Variants in GLT1D1 observed in about 807,000 individuals in gnomAD.
GLT1D1 encodes glycosyltransferase 1 domain containing 1.
Under a neutral mutation model 28.7 loss-of-function variants are expected in GLT1D1, and 21 were observed. The ratio of observed to expected loss-of-function variants is 0.73; its 90% CI spans 0.52 to 1.05. The LOEUF (loss-of-function observed/expected upper bound fraction) is 1.05, where lower values mean the gene tolerates loss of function less well. Ranked by LOEUF, GLT1D1 falls within the 50% of genes least tolerant of loss-of-function variation. The probability of loss-of-function intolerance (pLI) is 0.00; values close to 1 mark genes in which losing one functional copy is unlikely to be tolerated. For synonymous variants in GLT1D1, 147 were observed against 124.8 expected (o/e 1.18, Z -1.19); for missense variants, 343 against 330.6 (o/e 1.04, Z -0.29).
chr12:128,855,275 A>C (rs1304498192), intron 1 of GLT1D1, among the ~76,000 whole-genome samples: 1 of 150,854 alleles, frequency 6.6e-6, no homozygotes, highest in Non-Finnish European at 1.5e-5. Context: ...CAAAAAACCT[A>C]GGGCAGGCTT....
At chr12:128,925,584 A>G (rs1297130244) in intron 4 of GLT1D1, among the ~76,000 whole-genome samples, 1 of 152,178 alleles carries the variant, frequency 6.6e-6, no homozygotes, top group East Asian at 1.9e-4. Flanking sequence ...CCAGTCTATC[A>G]TTGATGGGCG....
At chr12:128,965,089 G>A (rs561100058) in intron 7 of GLT1D1, among the ~76,000 whole-genome samples, 10 of 152,328 alleles carry the variant, frequency 6.6e-5, no homozygotes, top group South Asian at 2.1e-4. Flanking sequence ...GGTAGGCTAC[G>A]TGGCAAGAGG....
intron 4 of GLT1D1, among the ~76,000 whole-genome samples, chr12:128,943,764 T>G (rs1324085456): frequency 6.6e-6 from 1 of 152,236 alleles, no homozygotes; most frequent in African/African-American, 2.4e-5. Context: ...ATTTGTGTCT[T>G]ACAACAAATC....
At chr12:128,897,243 T>A (rs1392106637) in intron 3 of GLT1D1, among the ~76,000 whole-genome samples, 1 of 152,204 alleles carries the variant, frequency 6.6e-6, no homozygotes, top group African/African-American at 2.4e-5. Context: ...CCCCTTGGGA[T>A]GTTTGGCTTC....
At chr12:128,935,740 G>A (rs536645546) in intron 4 of GLT1D1, among the ~76,000 whole-genome samples, 1 of 152,132 alleles carries the variant, frequency 6.6e-6, no homozygotes. Flanking sequence ...CACTGGGACT[G>A]CAGGCTTGTG....
At chr12:128,917,130 C>T (rs780814789) in intron 4 of GLT1D1, among the ~76,000 whole-genome samples, 4 of 151,990 alleles carry the variant, frequency 2.6e-5, no homozygotes, top group Admixed American at 6.6e-5. Flanking sequence ...TGCTCTGGTG[C>T]CTTCGTTGAA....
intron 4 of GLT1D1, among the ~76,000 whole-genome samples, chr12:128,943,339 G>T (rs1349272833): frequency 6.6e-6 from 1 of 151,018 alleles, no homozygotes; most frequent in Non-Finnish European, 1.5e-5. Context: ...AGTGCCACAG[G>T]TTTTCTCTTT....
intron 7 of GLT1D1, among the ~76,000 whole-genome samples, chr12:128,962,351 C>A (rs1391332639): frequency 6.6e-6 from 1 of 152,256 alleles, no homozygotes; most frequent in Non-Finnish European, 1.5e-5. Context: ...ATTCACATCT[C>A]ATCTAAGAAG....
chr12:128,972,875 G>A (rs1879327260), intron 7 of GLT1D1, among the ~76,000 whole-genome samples: 1 of 152,112 alleles, frequency 6.6e-6, no homozygotes, highest in African/African-American at 2.4e-5. Context: ...TGATGAAATC[G>A]AGCTAATTAA....
intron 5 of GLT1D1, 55 bp downstream of exon 9, chr12:128,945,424 TG>T: frequency 2.9e-6 from 4 of 1,368,588 alleles, no homozygotes; most frequent in Non-Finnish European, 4.2e-6. Flanking sequence ...GAGTGGCCCC[TG>T]GGTTACCTGA....
chr12:128,967,733 G>A (rs1878598993), intron 7 of GLT1D1, among the ~76,000 whole-genome samples: 1 of 152,214 alleles, frequency 6.6e-6, no homozygotes, highest in South Asian at 2.1e-4. Flanking sequence ...ATTTGGGGAG[G>A]CCACTGGCCA....
intron 4 of GLT1D1, among the ~76,000 whole-genome samples, chr12:128,907,393 C>T (rs1227341784): frequency 1.3e-5 from 2 of 151,606 alleles, no homozygotes; most frequent in Non-Finnish European, 2.9e-5. Context: ...GCAAGCTCTG[C>T]CTCCCGGGTT....
intron 6 of GLT1D1, among the ~76,000 whole-genome samples, chr12:128,949,583 A>G (rs1876474574): frequency 6.6e-6 from 1 of 152,216 alleles, no homozygotes; most frequent in African/African-American, 2.4e-5. Flanking sequence ...ATAAACTCCA[A>G]AAATCAAACT....
chr12:128,896,461 G>A (rs529561566), intron 3 of GLT1D1, among the ~76,000 whole-genome samples: 1 of 151,372 alleles, frequency 6.6e-6, no homozygotes, highest in African/African-American at 2.4e-5. Context: ...CTTCATGCGT[G>A]CTTTAACCAT....
chr12:128,881,561 A>ATAT (rs1201275552), intron 2 of GLT1D1, among the ~76,000 whole-genome samples: 4 of 33,718 alleles, frequency 1.2e-4, no homozygotes, highest in Admixed American at 5.9e-4. Flanking sequence ...AAAAAAAAAA[A>ATAT]ATATATATAT....
intron 6 of GLT1D1, among the ~76,000 whole-genome samples, chr12:128,955,989 C>T (rs372944115): frequency 4.0e-5 from 6 of 151,326 alleles, no homozygotes; most frequent in African/African-American, 1.5e-4. Context: ...GAAACCCCAT[C>T]TCTACTAAAA....
chr12:128,927,527 C>T (rs1424443064), intron 4 of GLT1D1, among the ~76,000 whole-genome samples: 1 of 151,964 alleles, frequency 6.6e-6, no homozygotes, highest in South Asian at 2.1e-4. Flanking sequence ...CGTGAGCCAC[C>T]GCGCCCAGCT....
chr12:128,911,230 G>A (rs182920113), intron 4 of GLT1D1, among the ~76,000 whole-genome samples: 19 of 152,212 alleles, frequency 1.2e-4, no homozygotes, highest in African/African-American at 3.6e-4. Flanking sequence ...ATGCCTGGCC[G>A]TGCCACCCAC....
intron 7 of GLT1D1, among the ~76,000 whole-genome samples, chr12:128,971,249 T>C (rs1342120098): frequency 6.6e-6 from 1 of 152,180 alleles, no homozygotes; most frequent in Non-Finnish European, 1.5e-5. Context: ...AGATCCCATG[T>C]AAATGCTTTT....
Sources: gnomAD v4.1 joint callset for allele counts (sites outside exome capture counted in the v4.1 genomes callset) on GRCh38, gnomAD v4.1.1 for gene constraint, MANE v1.5 for transcripts, NCBI Gene and HGNC (gene_info 2026-07-23, HGNC 2026-07-21) for gene names.